The following BICC1 variants were observed in gnomAD, a reference collection of about 807,000 sequenced individuals.
The protein encoded by BICC1 is BicC family RNA binding protein 1.
A neutral mutation model predicts 111.0 loss-of-function variants in BICC1; 43 were observed. The observed-to-expected ratio is 0.39, with a 90% confidence interval of 0.30 to 0.50. The LOEUF is 0.50. Ranked by LOEUF, BICC1 falls within the 20% of genes least tolerant of loss-of-function variation. BICC1 has a pLI of 0.88. For synonymous variants in BICC1, 467 were observed against 434.4 expected, an observed-to-expected ratio of 1.07 and a Z score of -0.93; for missense variants, 1,091 against 1,203.2, an observed-to-expected ratio of 0.91 and a Z score of 1.38.
At chr10:58,800,086 C>T (rs779312485) in intron 12 of BICC1, 108 bp from the exon 13 acceptor site, 12 of 748,376 alleles carry the variant, frequency 1.6e-5, no homozygotes, top group Admixed American at 5.4e-5. Flanking sequence ...AGAAGTATTC[C>T]AGGGTGGTTT....
intron 2 of BICC1, among the ~76,000 whole-genome samples, chr10:58,685,329 A>C (rs1405158888): frequency 6.6e-6 from 1 of 152,220 alleles, no homozygotes; most frequent in Non-Finnish European, 1.5e-5. Context: ...TGTGCTGAGA[A>C]GAATGTATAT....
chr10:58,675,407 T>C (rs545296282), intron 2 of BICC1, among the ~76,000 whole-genome samples: 1 of 151,938 alleles, frequency 6.6e-6, no homozygotes, highest in South Asian at 2.1e-4. Flanking sequence ...GAAATTGTGG[T>C]ATATATATAT....
At chr10:58,588,927 C>G (rs945903939) in intron 1 of BICC1, among the ~76,000 whole-genome samples, 1 of 152,122 alleles carries the variant, frequency 6.6e-6, no homozygotes, top group Non-Finnish European at 1.5e-5. Flanking sequence ...CAGCTGTCTC[C>G]CTTTGCCCTG....
At chr10:58,590,947 AC>A (rs1172223668) in intron 1 of BICC1, among the ~76,000 whole-genome samples, 2 of 152,154 alleles carry the variant, frequency 1.3e-5, no homozygotes, top group East Asian at 1.9e-4. Flanking sequence ...ATCTTTGACC[AC>A]CGGTTCTCTC....
chr10:58,530,511 G>C (rs1024696831), intron 1 of BICC1, among the ~76,000 whole-genome samples: 9 of 151,642 alleles, frequency 5.9e-5, no homozygotes, highest in Non-Finnish European at 1.2e-4. Flanking sequence ...CAAGCTCCTA[G>C]GGAAGTAATA....
intron 2 of BICC1, among the ~76,000 whole-genome samples, chr10:58,689,171 A>G (rs1839841486): frequency 6.6e-6 from 1 of 152,238 alleles, no homozygotes; most frequent in Admixed American, 6.5e-5. Flanking sequence ...TGTCTTTCAC[A>G]CTGATGGTTG....
intron 2 of BICC1, among the ~76,000 whole-genome samples, chr10:58,697,918 C>T (rs1246826087): frequency 6.6e-6 from 1 of 152,002 alleles, no homozygotes; most frequent in Non-Finnish European, 1.5e-5. Context: ...GTGCTTCCTC[C>T]CCCACCTCCC....
At chr10:58,578,462 C>T (rs902242632) in intron 1 of BICC1, among the ~76,000 whole-genome samples, 1 of 152,156 alleles carries the variant, frequency 6.6e-6, no homozygotes, top group Admixed American at 6.5e-5. Context: ...CCGGCTAATC[C>T]ATTTTTCCTC....
intron 1 of BICC1, among the ~76,000 whole-genome samples, chr10:58,554,337 C>T (rs779834267): frequency 2.0e-5 from 3 of 152,100 alleles, no homozygotes; most frequent in Non-Finnish European, 2.9e-5. Flanking sequence ...ACTTTAAATC[C>T]GGTCTTCTTT....
intron 1 of BICC1, among the ~76,000 whole-genome samples, chr10:58,611,715 C>G (rs1349459035): frequency 6.6e-6 from 1 of 151,892 alleles, no homozygotes; most frequent in Admixed American, 6.6e-5. Flanking sequence ...GTCTCAAACT[C>G]CTGACCTCAG....
chr10:58,818,374 T>A (rs1844160637), intron 19 of BICC1, among the ~76,000 whole-genome samples: 1 of 152,146 alleles, frequency 6.6e-6, no homozygotes, highest in South Asian at 2.1e-4. Context: ...GCTCTCATAT[T>A]ACTGGGGCAC....
At chr10:58,560,150 T>A (rs1306287376) in intron 1 of BICC1, among the ~76,000 whole-genome samples, 1 of 152,008 alleles carries the variant, frequency 6.6e-6, no homozygotes, top group Non-Finnish European at 1.5e-5. Flanking sequence ...AATGTGAGTT[T>A]TTTTATAAGT....
At chr10:58,546,710 A>G (rs1001335730) in intron 1 of BICC1, among the ~76,000 whole-genome samples, 1 of 152,190 alleles carries the variant, frequency 6.6e-6, no homozygotes, top group Non-Finnish European at 1.5e-5. Context: ...TTACCTAATT[A>G]AGTAAAAAAC....
Position 58,813,964 on chromosome 10 carries a change from T to C in BICC1, c.2511T>C (p.Pro837=). ...AATTTGCAGCTTCTATTGGCAGCCC[T>C]AAGCGTAAACAAAACAAATCAAGTG... ...HSEFAASIGS[P]KRKQNKSTEH... Residue 837 remains proline (P), a synonymous_variant, in exon 18 of 21, where the codon CCT becomes CCC. Transcript: ENST00000373886. The C allele has an allele frequency of 1.2e-6, 2 of 1,614,032 alleles. No individual in the cohort carries two copies. Among genetic ancestry groups the C allele is most frequent in the Non-Finnish European group, 1.7e-6 (2 of 1,179,928 alleles).
At chr10:58,690,756 A>G (rs990376421) in intron 2 of BICC1, among the ~76,000 whole-genome samples, 3 of 152,164 alleles carry the variant, frequency 2.0e-5, no homozygotes, top group African/African-American at 2.4e-5. Context: ...AGATGCCATC[A>G]GGACCTACTA....
At chr10:58,810,879 G>A (rs1332868326) in intron 17 of BICC1, among the ~76,000 whole-genome samples, 1 of 152,150 alleles carries the variant, frequency 6.6e-6, no homozygotes, top group African/African-American at 2.4e-5. Context: ...AAAAGAGCAA[G>A]CATGTTTGAC....
At chr10:58,666,051 ATTAAAT>A (rs1288429842) in intron 2 of BICC1, among the ~76,000 whole-genome samples, 7 of 152,224 alleles carry the variant, frequency 4.6e-5, no homozygotes, top group Non-Finnish European at 4.4e-5. Context: ...CTTCAGCCAA[ATTAAAT>A]TTAAAGGAGC....
intron 2 of BICC1, among the ~76,000 whole-genome samples, chr10:58,699,038 A>G (rs1003587292): frequency 1.3e-5 from 2 of 152,234 alleles, no homozygotes; most frequent in African/African-American, 4.8e-5. Flanking sequence ...GCTGGCCACA[A>G]ATGGTGTTCC....
intron 2 of BICC1, among the ~76,000 whole-genome samples, chr10:58,699,777 C>G (rs1022286538): frequency 2.0e-5 from 3 of 152,034 alleles, no homozygotes; most frequent in Non-Finnish European, 4.4e-5. Flanking sequence ...TCACTACATC[C>G]TTGAACTCCT....
Sources: allele counts gnomAD v4.1 joint callset (sites outside exome capture counted in the v4.1 genomes callset), GRCh38; gene constraint gnomAD v4.1.1; transcripts MANE v1.5; gene names NCBI Gene and HGNC (gene_info 2026-07-23, HGNC 2026-07-21).